PLEKHN1: variants seen among roughly 807,000 people sequenced by gnomAD.
PLEKHN1 encodes the protein pleckstrin homology domain-containing family N member 1.
In PLEKHN1, 68 loss-of-function variants were observed where a neutral mutation model predicts 72.8. The observed-to-expected ratio is 0.93, with a 90% CI of 0.77 to 1.14. The LOEUF is 1.14. PLEKHN1 is among the 50% of genes most tolerant of loss of function. PLEKHN1 has a pLI of 0.00. For synonymous variants in PLEKHN1, 454 were observed against 371.6 expected (o/e 1.22, Z -2.55); for missense variants, 1,015 against 840.5 (o/e 1.21, Z -2.57).
At chr1:973,145 G>A (rs1019421869) in intron 11 of PLEKHN1, 41 bp from the exon 12 acceptor site, 5 of 1,495,880 alleles carry the variant, frequency 3.3e-6, no homozygotes, top group African/African-American at 2.8e-5. Flanking sequence ...CACGGGAGAG[G>A]GGCCAAAGGG....
At position 970,582 on chromosome 1, in the gene PLEKHN1, C is replaced by T. The variant is rs577334355; in HGVS notation, c.392C>T (p.Ser131Leu). ...PAHLYFQAHGSEGLTFQGLLP... is the reference protein window; with the variant it reads ...PAHLYFQAHGLEGLTFQGLLP... Reference sequence around the variant, plus strand: ...CACCTGTACTTCCAGGCCCACGGCTCGGAAGGACTCACATTTCAGGTGAGG... The same window carrying T: ...CACCTGTACTTCCAGGCCCACGGCTTGGAAGGACTCACATTTCAGGTGAGG... The change falls in exon 4 of 16, where the codon TCG becomes TTG. Residue 131 changes from serine (S) to leucine (L), a missense_variant. Physicochemically the swap from Ser to Leu is moderately radical, Grantham distance 145. Coordinates refer to ENST00000379410, the MANE Select transcript of PLEKHN1 (RefSeq NM_032129.3). This position sits in a 1 kb window ranked among gnomAD's most constrained non-coding sequence, Gnocchi z 4.2. 33 of 1,612,704 alleles carry T rather than the reference C, an allele frequency of 2.0e-5. No individual in the cohort carries two copies. Among genetic ancestry groups the T allele is most frequent in the East Asian group, 6.7e-5 (3 of 44,874 alleles).
Position 970,700 on chromosome 1 carries a change from G to C in PLEKHN1, c.426G>C (p.Leu142=), listed in dbSNP as rs1362658071. The C allele has an allele frequency of 1.9e-6, 3 of 1,596,834 alleles. No homozygotes were observed. The highest frequency in any genetic ancestry group is 1.3e-5 in the African/African-American group (1 of 74,698). The change falls in exon 5 of 16, where the codon CTG becomes CTC. Residue 142 remains leucine (L), a synonymous_variant. Coordinates refer to ENST00000379410, the MANE Select transcript of PLEKHN1 (RefSeq NM_032129.3). This position sits in a 1 kb window ranked among gnomAD's most constrained non-coding sequence, Gnocchi z 4.2. ...GTGCCTGGCAGGGGCTGTTACCGCT[G>C]ACGGAGCTGAGTGTCTGCCCGCTCG... ...EGLTFQGLLP[L]TELSVCPLEG...
chr1:973,374 C>G, intron 12 of PLEKHN1, 48 bp downstream of exon 12: 6 of 1,557,360 alleles, frequency 3.9e-6, no homozygotes, highest in Non-Finnish European at 5.2e-6. Flanking sequence ...CCCACCGTTC[C>G]GCACCACTGG....
chr1:968,658 T>C (rs1441477730), intron 2 of PLEKHN1, among the ~76,000 whole-genome samples: 1 of 152,072 alleles, frequency 6.6e-6, no homozygotes, highest in Non-Finnish European at 1.5e-5. Context: ...AGGTCGGTGC[T>C]AAGGAGAAAA....
chr1:973,827 C>G lies in PLEKHN1; in HGVS notation c.1435-6C>G. 1.2e-6 allele frequency: 2 copies of G among 1,607,914 alleles called. No homozygotes were observed. Among genetic ancestry groups the G allele is most frequent in the Non-Finnish European group, 1.7e-6 (2 of 1,178,686 alleles). On this transcript the variant is annotated splice_polypyrimidine_tract_variant and splice_region_variant and intron_variant, in intron 13 of 15. Transcript: ENST00000379410. ...ACCCAGGCCCCAGCCCTGGCTCTCCCTGCAGTTCCTCAGTGCCATGCAGAG... is the reference window on the plus strand; with the variant it reads ...ACCCAGGCCCCAGCCCTGGCTCTCCGTGCAGTTCCTCAGTGCCATGCAGAG...
In PLEKHN1 at chr1:970,840, C is replaced by G; in HGVS notation, c.485-39C>G. Reference sequence around the variant, plus strand: ...GGGCCTGCCCTGTGGCTGCGGAGCACGTGTGTGTATGTGTGTGCCCTCTCT... The same window carrying G: ...GGGCCTGCCCTGTGGCTGCGGAGCAGGTGTGTGTATGTGTGTGCCCTCTCT... On this transcript the variant is annotated intron_variant, in intron 5 of 15. Transcript: ENST00000379410. The surrounding 1 kb of genome is among the most constrained non-coding windows in gnomAD (Gnocchi z 4.2). 1 of 1,612,488 alleles carries G rather than the reference C, an allele frequency of 6.2e-7. No homozygotes were observed. Among genetic ancestry groups the G allele is most frequent in the Admixed American group, 1.7e-5 (1 of 60,002 alleles).
In PLEKHN1 at chr1:973,480, C is replaced by A. The variant is rs754050825; in HGVS notation, c.1294-20C>A. The A allele has an allele frequency of 6.2e-6, 10 of 1,610,664 alleles. No individual in the cohort carries two copies. The highest frequency in any genetic ancestry group is 8.5e-6 in the Non-Finnish European group (10 of 1,179,186). On this transcript the variant is annotated intron_variant, in intron 12 of 15. Coordinates refer to ENST00000379410, the MANE Select transcript of PLEKHN1 (RefSeq NM_032129.3). Reference sequence around the variant, plus strand: ...CTGTTTCTAGCCGAGAAGCCCATTTCTCCCACCTCTGCCCTGCAGCTGCAC... The same window carrying A: ...CTGTTTCTAGCCGAGAAGCCCATTTATCCCACCTCTGCCCTGCAGCTGCAC...
intron 2 of PLEKHN1, among the ~76,000 whole-genome samples, chr1:969,637 T>C (rs59766802): frequency 0.16 from 23,745 of 151,592 alleles, 5,161 homozygotes; most frequent in African/African-American, 0.49. Flanking sequence ...TGTGCAACTG[T>C]GTATGTGTGC....
At chr1:972,482 C>T in intron 10 of PLEKHN1, 58 bp downstream of exon 10, 1 of 1,487,960 alleles carries the variant, frequency 6.7e-7, no homozygotes, top group Non-Finnish European at 8.9e-7. Flanking sequence ...AAGGGGGCAG[C>T]AGACCGGGCG....
At position 970,230 on chromosome 1, in the gene PLEKHN1, T is replaced by TG; in HGVS notation, c.184-41dup. 2 of 1,531,724 alleles carry TG rather than the reference T, an allele frequency of 1.3e-6. No homozygotes were observed. Among genetic ancestry groups the TG allele is most frequent in the Non-Finnish European group, 1.8e-6 (2 of 1,137,438 alleles). The allele number at this position is 1,531,724 out of a possible 1,614,324, so 94.9% of individuals were successfully genotyped here. ...GCTGTGTGGATGCGAGCGGAGGGGG[T>TG]GGGGGGCCCAGGGGAGGCCCCCTCC... On this transcript the variant is annotated intron_variant, in intron 2 of 15. Transcript: ENST00000379410. This position sits in a 1 kb window ranked among gnomAD's most constrained non-coding sequence, Gnocchi z 4.2.
Position 972,893 on chromosome 1 carries a change from AG to A in PLEKHN1, c.1037del (p.Gly346AlafsTer56). Reference sequence around the variant, plus strand: ...GCAGTGGCCGAGGCTCACTCTCCTCAGGCGGACAGACCAGCTGGGACTCGGG... The same window carrying A: ...GCAGTGGCCGAGGCTCACTCTCCTCAGCGGACAGACCAGCTGGGACTCGGG... Reference protein sequence around the residue: ...MGSGRGSLSSGGQTSWDSGCL... With the variant: ...MGSGRGSLSSXGQTSWDSGCL... On this transcript the variant is annotated frameshift_variant, in exon 11 of 16. Transcript: ENST00000379410. LOFTEE classifies it high-confidence loss of function. The A allele has an allele frequency of 2.6e-6, 4 of 1,558,580 alleles. No homozygotes were observed. The highest frequency in any genetic ancestry group is 3.5e-6 in the Non-Finnish European group (4 of 1,151,140).
At chr1:972,217 C>T (rs572686089) in intron 9 of PLEKHN1, 67 bp downstream of exon 9, 83 of 1,601,346 alleles carry the variant, frequency 5.2e-5, no homozygotes, top group South Asian at 2.1e-4. Flanking sequence ...GCCTGGGGGA[C>T]GCCCGACTCT....
At position 966,709 on chromosome 1, in the gene PLEKHN1, A is replaced by G. The variant is rs768106106; in HGVS notation, c.89A>G (p.Asp30Gly). 15 of 1,576,568 alleles carry G rather than the reference A, an allele frequency of 9.5e-6. No homozygotes were observed. Among genetic ancestry groups the G allele is most frequent in the Non-Finnish European group, 1.3e-5 (15 of 1,161,412 alleles). ...RKPSLKGNRE[D>G]SARMSAGLPG... ...ACCCCTTGCCTTGTCCCCAGAGAGG[A>G]CAGCGCGCGGATGTCGGCCGGCCTG... The change falls in exon 2 of 16, where the codon GAC becomes GGC. Residue 30 changes from aspartate to glycine, a missense_variant. Transcript: ENST00000379410.
At chr1:973,785 G>T in intron 13 of PLEKHN1, 48 bp from the exon 14 acceptor site, 1 of 1,583,722 alleles carries the variant, frequency 6.3e-7, no homozygotes. Context: ...TTGAGGTTCT[G>T]GGGGCCCCTG....
rs900754910 is a variant in PLEKHN1, at chr1:975,387, C to G, written c.*812C>G. 6.6e-6 allele frequency: 1 copy of G among 152,250 alleles called. No homozygotes were observed. The highest frequency in any genetic ancestry group is 1.5e-5 in the Non-Finnish European group (1 of 68,116). The allele number at this position is 152,250 out of a possible 1,614,324, so 9.4% of individuals were successfully genotyped here. A position where few individuals can be genotyped will look rare whatever the true frequency, so the allele number is the denominator to read the frequency against. On this transcript the variant is annotated 3_prime_UTR_variant, in exon 16 of 16. Coordinates refer to ENST00000379410, the MANE Select transcript of PLEKHN1 (RefSeq NM_032129.3). The stretch of plus-strand genomic sequence containing the variant: ...CCTCTTGGCTGTGGGTCCCCAGCTG[C>G]CCCACAGGAGCCCCCGGGACAACCC...
intron 13 of PLEKHN1, 54 bp downstream of exon 13, chr1:973,694 T>G: frequency 1.3e-6 from 2 of 1,598,024 alleles, no homozygotes; most frequent in African/African-American, 1.3e-5. Flanking sequence ...AGCCTGAGGC[T>G]GGGGAGGTCT....
chr1:973,147 G>A (rs760066682), intron 11 of PLEKHN1, 39 bp from the exon 12 acceptor site: 4 of 1,497,690 alleles, frequency 2.7e-6, no homozygotes, highest in African/African-American at 2.8e-5. Flanking sequence ...CGGGAGAGGG[G>A]CCAAAGGGCT....
Position 970,223 on chromosome 1 carries a change from G to A in PLEKHN1, c.184-54G>A. 3 of 1,588,384 alleles carry A rather than the reference G, an allele frequency of 1.9e-6. No homozygotes were observed. The highest frequency in any genetic ancestry group is 1.7e-6 in the Non-Finnish European group (2 of 1,164,918). ...TCCTGTAGCTGTGTGGATGCGAGCGGAGGGGGTGGGGGGCCCAGGGGAGGC... is the reference window on the plus strand; with the variant it reads ...TCCTGTAGCTGTGTGGATGCGAGCGAAGGGGGTGGGGGGCCCAGGGGAGGC... On this transcript the variant is annotated intron_variant, in intron 2 of 15. Transcript: ENST00000379410. This position sits in a 1 kb window ranked among gnomAD's most constrained non-coding sequence, Gnocchi z 4.2.
chr1:972,614 A>C (rs558474450), intron 10 of PLEKHN1, among the ~76,000 whole-genome samples, 190 bp downstream of exon 10: 5,576 of 152,186 alleles, frequency 0.037, 198 homozygotes, highest in East Asian at 0.14. Context: ...AAAAATACAA[A>C]AAAATTAGCC....
Sources: allele counts gnomAD v4.1 joint callset (sites outside exome capture counted in the v4.1 genomes callset), GRCh38; gene constraint gnomAD v4.1.1; non-coding constraint Gnocchi (gnomAD v3.1); transcripts MANE v1.5; gene names NCBI Gene and HGNC (gene_info 2026-07-23, HGNC 2026-07-21).